Variants in EEFSEC observed in about 807,000 individuals in gnomAD.
EEFSEC encodes selenocysteine-specific elongation factor.
In EEFSEC, 43 loss-of-function variants were observed where a neutral mutation model predicts 42.1. That is an observed-to-expected ratio of 1.02 (90% confidence interval 0.80 to 1.32). The LOEUF is 1.32. EEFSEC is among the 40% of genes most tolerant of loss of function. The probability of loss-of-function intolerance (pLI) is 0.00; values close to 1 mark genes in which losing one functional copy is unlikely to be tolerated. For synonymous variants in EEFSEC, 354 were observed against 339.1 expected (o/e 1.04, Z -0.48); for missense variants, 745 against 803.6 (o/e 0.93, Z 0.88).
chr3:128,407,973 A>G (rs1242406589), intron 6 of EEFSEC, 96 bp from the exon 7 acceptor site: 1 of 1,206,814 alleles, frequency 8.3e-7, no homozygotes, highest in Non-Finnish European at 1.1e-6. Context: ...GGAGGGAGGC[A>G]GAAGAGGGGT....
chr3:128,307,329 A>C (rs1375830638), intron 4 of EEFSEC, among the ~76,000 whole-genome samples: 1 of 152,162 alleles, frequency 6.6e-6, no homozygotes, highest in Non-Finnish European at 1.5e-5. Context: ...CCAGTGTTGA[A>C]TGTGGAGGAA....
intron 1 of EEFSEC, among the ~76,000 whole-genome samples, chr3:128,163,907 T>G (rs2065217888): frequency 6.6e-6 from 1 of 150,596 alleles, no homozygotes; most frequent in African/African-American, 2.5e-5. Flanking sequence ...AGCGAGCATA[T>G]GCTTTGGGAA....
Position 128,229,561 on chromosome 3 carries a change from G to T in EEFSEC, c.317-17275G>T, listed in dbSNP as rs967788219. On this transcript the variant is annotated intron_variant, in intron 1 of 6. Coordinates refer to ENST00000254730, the MANE Select transcript of EEFSEC (RefSeq NM_021937.5). ...GCTTTTCTGACTCCAATAGTTACAGGCCTAAAAGGCTAGATGTTTATTCTG... is the reference window on the plus strand; with the variant it reads ...GCTTTTCTGACTCCAATAGTTACAGTCCTAAAAGGCTAGATGTTTATTCTG... 1.3e-5 allele frequency among the ~76,000 whole-genome samples: 2 copies of T among 152,318 alleles called. 1 individual carries two copies. The highest frequency in any genetic ancestry group is 4.1e-4 in the South Asian group (2 of 4,828).
intron 1 of EEFSEC, among the ~76,000 whole-genome samples, chr3:128,185,017 G>A (rs572908142): frequency 2.6e-5 from 4 of 152,192 alleles, no homozygotes; most frequent in African/African-American, 4.8e-5. Context: ...CTTGGGTAAC[G>A]GAGCGAGATC....
intron 4 of EEFSEC, among the ~76,000 whole-genome samples, chr3:128,301,021 A>C (rs1274436575): frequency 6.6e-6 from 1 of 152,118 alleles, no homozygotes. Flanking sequence ...TTAAATAGGG[A>C]TAAATGTAAA....
intron 5 of EEFSEC, among the ~76,000 whole-genome samples, chr3:128,348,426 A>G (rs1314115998): frequency 6.6e-6 from 1 of 152,116 alleles, no homozygotes; most frequent in African/African-American, 2.4e-5. Flanking sequence ...TGTTCTTTCA[A>G]TCTTTTGATT....
chr3:128,193,760 A>G (rs993243671), intron 1 of EEFSEC, among the ~76,000 whole-genome samples: 1 of 152,148 alleles, frequency 6.6e-6, no homozygotes, highest in Non-Finnish European at 1.5e-5. Context: ...GGATTTGGAC[A>G]TAACTTGTAC....
At chr3:128,280,865 GT>G (rs1451679627) in intron 4 of EEFSEC, among the ~76,000 whole-genome samples, 2 of 151,988 alleles carry the variant, frequency 1.3e-5, no homozygotes, top group Non-Finnish European at 2.9e-5. Context: ...CCTACTCACT[GT>G]TTTTTTTCCC....
rs192828616 is a variant in EEFSEC, at chr3:128,406,900, A to G, written c.1601-1169A>G. ...TACATATATATATATTACACTATAA[A>G]TATACACAGTTTGTCATTTGTCAAT... On this transcript the variant is annotated intron_variant, in intron 6 of 6. Transcript: ENST00000254730. Among the ~76,000 whole-genome samples the G allele has an allele frequency of 3.7e-4, 57 of 152,026 alleles. No homozygotes were observed. In the Middle Eastern group the frequency reaches 0.014, roughly 37 times the overall value.
chr3:128,412,273 C>A (rs1251369897), downstream of EEFSEC, among the ~76,000 whole-genome samples: 4 of 152,240 alleles, frequency 2.6e-5, no homozygotes, highest in Admixed American at 6.5e-5. Context: ...GGGCCAGACC[C>A]CTGTCTGGGG....
the EEFSEC span, among the ~76,000 whole-genome samples, chr3:128,417,013 G>C: frequency 3.9e-5 from 6 of 152,014 alleles, no homozygotes; most frequent in East Asian, 1.2e-3. The surrounding 1 kb of genome is among the most constrained non-coding windows in gnomAD (Gnocchi z 4.3). Flanking sequence ...GTCCCAGCAG[G>C]GTTCCTGACC....
chr3:128,325,399 G>A (rs1158055754), intron 4 of EEFSEC, among the ~76,000 whole-genome samples: 1 of 152,220 alleles, frequency 6.6e-6, no homozygotes, highest in African/African-American at 2.4e-5. Flanking sequence ...TTTACCAGCT[G>A]AGGGGCCTTG....
chr3:128,183,923 A>G (rs112280116), intron 1 of EEFSEC, among the ~76,000 whole-genome samples: 176 of 152,300 alleles, frequency 1.2e-3, no homozygotes, highest in Non-Finnish European at 1.4e-3. Flanking sequence ...TGACTGTGAA[A>G]ACATGCTTTT....
intron 4 of EEFSEC, among the ~76,000 whole-genome samples, chr3:128,309,510 C>CTAAGT (rs1199055062): frequency 1.3e-5 from 2 of 152,142 alleles, no homozygotes; most frequent in Non-Finnish European, 2.9e-5. Flanking sequence ...TGAGTAGGAC[C>CTAAGT]TAAGCCTTTA....
chr3:128,217,209 A>G (rs1419855490), intron 1 of EEFSEC, among the ~76,000 whole-genome samples: 4 of 152,174 alleles, frequency 2.6e-5, no homozygotes, highest in Non-Finnish European at 5.9e-5. Context: ...TTACAGCAAT[A>G]GGGCGAGATA....
intron 6 of EEFSEC, among the ~76,000 whole-genome samples, chr3:128,400,138 C>T (rs2068032110): frequency 6.6e-6 from 1 of 152,260 alleles, no homozygotes; most frequent in South Asian, 2.1e-4. Context: ...CCAGGCCTGC[C>T]TCCAGCCACG....
At chr3:128,159,255 G>T (rs1383462726) in intron 1 of EEFSEC, among the ~76,000 whole-genome samples, 1 of 152,232 alleles carries the variant, frequency 6.6e-6, no homozygotes, top group Admixed American at 6.5e-5. Flanking sequence ...CAAGCAAAGT[G>T]CCTTGGGCTA....
intron 4 of EEFSEC, among the ~76,000 whole-genome samples, chr3:128,305,124 T>A (rs1395133680): frequency 6.6e-6 from 1 of 152,234 alleles, no homozygotes; most frequent in Non-Finnish European, 1.5e-5. Flanking sequence ...TTTATTTTTT[T>A]AAATCAAGGA....
At chr3:128,283,167 G>A (rs2066546719) in intron 4 of EEFSEC, among the ~76,000 whole-genome samples, 1 of 152,200 alleles carries the variant, frequency 6.6e-6, no homozygotes, top group Non-Finnish European at 1.5e-5. Context: ...TGTGGCACCT[G>A]GAAACACACA....
Sources: allele counts gnomAD v4.1 joint callset (sites outside exome capture counted in the v4.1 genomes callset), GRCh38; gene constraint gnomAD v4.1.1; non-coding constraint Gnocchi (gnomAD v3.1); transcripts MANE v1.5; gene names NCBI Gene and HGNC (gene_info 2026-07-23, HGNC 2026-07-21).